The following NTM variants were observed in gnomAD, a reference collection of about 807,000 sequenced individuals.
NTM encodes neurotrimin, also known as IgLON family member 2.
NTM carries 13 observed loss-of-function variants against 42.1 expected under a neutral mutation model. That is an observed-to-expected ratio of 0.31 (90% CI 0.20 to 0.49). The LOEUF (loss-of-function observed/expected upper bound fraction) is 0.49. NTM is among the 20% of genes least tolerant of loss of function. NTM has a pLI of 0.99. For synonymous variants in NTM, 187 were observed against 179.2 expected (o/e 1.04, Z -0.35); for missense variants, 373 against 452.8 (o/e 0.82, Z 1.60).
At chr11:132,293,215 G>T (rs1174502707) in intron 4 of NTM, among the ~76,000 whole-genome samples, 1 of 152,074 alleles carries the variant, frequency 6.6e-6, no homozygotes, top group East Asian at 1.9e-4. Flanking sequence ...AAGAGGCAGG[G>T]GTGTAATTAT....
chr11:132,317,587 A>T (rs1206446746), intron 7 of NTM: 1 of 889,718 alleles, frequency 1.1e-6, no homozygotes, highest in African/African-American at 1.7e-5. Context: ...TGACAAATAT[A>T]TAGCACTGTA....
intron 1 of NTM, among the ~76,000 whole-genome samples, chr11:131,479,622 T>C (rs1388506969): frequency 6.6e-6 from 1 of 152,208 alleles, no homozygotes; most frequent in East Asian, 1.9e-4. Context: ...TCTGCAATTT[T>C]CCAGGAAAAG....
At chr11:132,130,261 A>T (rs1428934210) in intron 2 of NTM, among the ~76,000 whole-genome samples, 1 of 152,024 alleles carries the variant, frequency 6.6e-6, no homozygotes. Context: ...CGGAAGTGGG[A>T]GTTGGTTCAG....
intron 1 of NTM, among the ~76,000 whole-genome samples, chr11:131,518,797 T>C (rs1025492372): frequency 6.6e-6 from 1 of 152,188 alleles, no homozygotes; most frequent in Non-Finnish European, 1.5e-5. Flanking sequence ...TTTGTATGGA[T>C]TGCATGCTAC....
chr11:132,108,803 C>T (rs914109159), intron 2 of NTM, among the ~76,000 whole-genome samples: 1 of 152,074 alleles, frequency 6.6e-6, no homozygotes, highest in East Asian at 1.9e-4. Flanking sequence ...TTGCTGCACC[C>T]ATCAACTCAT....
intron 1 of NTM, chr11:131,663,347 C>T (rs529580958): frequency 2.6e-5 from 4 of 152,256 alleles, no homozygotes; most frequent in African/African-American, 9.6e-5. Context: ...ATGCGCCAGG[C>T]TCTTCATTTG....
chr11:131,861,928 TCAC>T lies in NTM; in HGVS notation c.83-49632_83-49630del, dbSNP rs1440074452. The stretch of plus-strand genomic sequence containing the variant: ...AATGCACGTGGGTCTGGTCAGCTCT[TCAC>T]CACTCCTCTGCACATCCAGAGCCCA... On this transcript the variant is annotated intron_variant, in intron 1 of 8. Coordinates refer to ENST00000683400, the MANE Select transcript of NTM (RefSeq NM_001352005.2). Among the ~76,000 whole-genome samples, 3 of 152,132 alleles carry T rather than the reference TCAC, an allele frequency of 2.0e-5. No individual in the cohort carries two copies. In the East Asian group the frequency reaches 5.8e-4, roughly 29 times the overall value.
chr11:131,985,716 G>T (rs1286667503), intron 2 of NTM, among the ~76,000 whole-genome samples: 1 of 152,196 alleles, frequency 6.6e-6, no homozygotes, highest in Non-Finnish European at 1.5e-5. Context: ...TCATTCCACT[G>T]GGTAGAATTC....
chr11:132,025,082 T>G (rs2074980829), intron 2 of NTM, among the ~76,000 whole-genome samples: 1 of 152,020 alleles, frequency 6.6e-6, no homozygotes, highest in African/African-American at 2.4e-5. Context: ...CACCTTGGAG[T>G]CATGGGATTC....
intron 1 of NTM, among the ~76,000 whole-genome samples, chr11:131,649,923 A>G (rs1247041241): frequency 6.6e-6 from 1 of 152,168 alleles, no homozygotes; most frequent in Non-Finnish European, 1.5e-5. Context: ...TGACCTGCCC[A>G]TAGGTCAACA....
At chr11:131,604,760 T>G (rs1215238283) in intron 1 of NTM, among the ~76,000 whole-genome samples, 1 of 151,804 alleles carries the variant, frequency 6.6e-6, no homozygotes, top group Non-Finnish European at 1.5e-5. Flanking sequence ...CCCACTTCTT[T>G]CCTTTGTATG....
chr11:131,655,053 G>A (rs976968347), intron 1 of NTM, among the ~76,000 whole-genome samples: 9 of 152,122 alleles, frequency 5.9e-5, no homozygotes, highest in Non-Finnish European at 8.8e-5. Flanking sequence ...CCACTCCGCC[G>A]GTCCTCGGGC....
intron 1 of NTM, chr11:131,662,527 A>G (rs1047698500): frequency 6.6e-6 from 1 of 152,132 alleles, no homozygotes; most frequent in Admixed American, 6.5e-5. Flanking sequence ...ACCAGGAAGC[A>G]CTCCTAGAAA....
At chr11:131,604,799 T>A (rs1033438098) in intron 1 of NTM, among the ~76,000 whole-genome samples, 1 of 151,960 alleles carries the variant, frequency 6.6e-6, no homozygotes, top group Non-Finnish European at 1.5e-5. Flanking sequence ...AGCATCAGTT[T>A]TTAACAAACT....
chr11:132,122,027 A>G (rs2064921024), intron 2 of NTM, among the ~76,000 whole-genome samples: 1 of 152,236 alleles, frequency 6.6e-6, no homozygotes, highest in Admixed American at 6.5e-5. Flanking sequence ...TCTATGCATG[A>G]AACTGAAAGG....
intron 4 of NTM, among the ~76,000 whole-genome samples, chr11:132,263,619 C>T (rs576513773): frequency 1.3e-4 from 20 of 151,974 alleles, no homozygotes; most frequent in Non-Finnish European, 2.6e-4. Context: ...CTGAACAATT[C>T]CATCTTCAAT....
chr11:131,765,007 G>A (rs2084883896), intron 1 of NTM, among the ~76,000 whole-genome samples: 1 of 152,140 alleles, frequency 6.6e-6, no homozygotes, highest in Non-Finnish European at 1.5e-5. Context: ...TAGAAGACAT[G>A]CCAAAGTTCT....
chr11:131,571,140 C>A (rs2057404732), intron 1 of NTM, among the ~76,000 whole-genome samples: 2 of 152,206 alleles, frequency 1.3e-5, no homozygotes, highest in Non-Finnish European at 2.9e-5. Flanking sequence ...CTCCTCATGG[C>A]ATTGCTGTGA....
At chr11:132,280,750 C>T (rs527663114) in intron 4 of NTM, among the ~76,000 whole-genome samples, 7 of 152,120 alleles carry the variant, frequency 4.6e-5, no homozygotes, top group African/African-American at 9.6e-5. Flanking sequence ...CCTCCCAAAG[C>T]GCTGGGATTA....
Sources: allele counts gnomAD v4.1 joint callset (sites outside exome capture counted in the v4.1 genomes callset), GRCh38; gene constraint gnomAD v4.1.1; transcripts MANE v1.5; gene names NCBI Gene and HGNC (gene_info 2026-07-23, HGNC 2026-07-21).